Variants in ZNF514 observed in about 807,000 individuals in gnomAD.
The protein encoded by ZNF514 is zinc finger protein 514.
A neutral mutation model predicts 9.7 loss-of-function variants in ZNF514; 12 were observed. The ratio of observed to expected loss-of-function variants is 1.24; its 90% CI spans 0.79 to 2.01. The LOEUF is 2.01. Among genes scored for constraint, ZNF514 ranks in the 30% most tolerant of loss-of-function variants. ZNF514 has a pLI of 0.00. For missense variants in ZNF514, 467 were observed against 465.5 expected, an observed-to-expected ratio of 1.00 and a Z score of -0.03; for synonymous variants, 158 against 163.7, an observed-to-expected ratio of 0.97 and a Z score of 0.27.
Position 95,150,178 on chromosome 2 carries a change from G to A in ZNF514, c.307C>T (p.His103Tyr). 2 of 1,605,198 alleles carry A rather than the reference G, an allele frequency of 1.2e-6. No homozygotes were observed. The highest frequency in any genetic ancestry group is 1.7e-6 in the Non-Finnish European group (2 of 1,179,002). ...ELFQVVSVEK[H>Y]IQDVLQFSKL... is the part of the protein sequence containing the mutation. ...GAGAACTGCAGCACATCTTGAATGTGTTTTTCCACTGATACTACCTGGAAT... is the reference window on the plus strand; with the variant it reads ...GAGAACTGCAGCACATCTTGAATGTATTTTTCCACTGATACTACCTGGAAT... Residue 103 changes from histidine to tyrosine, a missense_variant, in exon 5 of 5, where the codon CAC becomes TAC. By Grantham distance (83) the His-to-Tyr change is moderately conservative. Transcript: ENST00000295208.
At chr2:95,151,027 TTATTA>T (rs1160487135) in intron 4 of ZNF514, among the ~76,000 whole-genome samples, 1 of 152,210 alleles carries the variant, frequency 6.6e-6, no homozygotes, top group African/African-American at 2.4e-5. Context: ...ACACCCTATA[TTATTA>T]TATATTATGC....
At position 95,147,299 on chromosome 2, in the gene ZNF514, T is replaced by G. The variant is rs2104460778; in HGVS notation, c.*1983A>C. ...AAGTAACAAACAAAACAGGAATACT[T>G]GTTTAGCAATGGTTGGTATATGTGT... On this transcript the variant is annotated 3_prime_UTR_variant, in exon 5 of 5. Coordinates refer to ENST00000295208, the MANE Select transcript of ZNF514 (RefSeq NM_032788.3). The G allele has an allele frequency of 6.6e-6, 1 of 152,336 alleles. No individual in the cohort carries two copies. The highest frequency in any genetic ancestry group is 1.9e-4 in the East Asian group (1 of 5,184). 9.4% of individuals were successfully genotyped at this position (152,336 alleles called of 1,614,324 possible).
chr2:95,125,472 T>A, the ZNF514 span, among the ~76,000 whole-genome samples: 40 of 151,840 alleles, frequency 2.6e-4, 1 homozygote, highest in South Asian at 2.7e-3. Context: ...TCTCTTGACC[T>A]TGTGATTCAC....
the ZNF514 span, among the ~76,000 whole-genome samples, chr2:95,136,623 G>T: frequency 7.0e-6 from 1 of 142,010 alleles, no homozygotes; most frequent in Non-Finnish European, 1.5e-5. Flanking sequence ...CTCCTAACAG[G>T]AAAAAAAAAA....
At chr2:95,130,788 A>G in the ZNF514 span, among the ~76,000 whole-genome samples, 4 of 152,140 alleles carry the variant, frequency 2.6e-5, no homozygotes, top group Non-Finnish European at 1.5e-5. Context: ...ATGCTGTACA[A>G]TTTTTGTAGT....
chr2:95,135,713 C>T, the ZNF514 span, among the ~76,000 whole-genome samples: 5 of 152,046 alleles, frequency 3.3e-5, no homozygotes, highest in African/African-American at 7.2e-5. Flanking sequence ...TGACCCATCA[C>T]GTCTGGTCTG....
At position 95,159,270 on chromosome 2, in the gene ZNF514, TCTGG is replaced by T; in HGVS notation, c.-130_-127del. ...GCTCGGCTCCTCCTCAGGACCAGGC[TCTGG>T]AACCCAGCTCCCACGTGGATCCACA... On this transcript the variant is annotated 5_prime_UTR_variant, in exon 1 of 5. Transcript: ENST00000295208. 5.7e-6 allele frequency: 1 copy of T among 174,230 alleles called. No individual in the cohort carries two copies. Among genetic ancestry groups the T allele is most frequent in the Non-Finnish European group, 1.2e-5 (1 of 81,210 alleles). 10.8% of individuals were successfully genotyped at this position (174,230 alleles called of 1,614,324 possible).
chr2:95,150,734 T>G (rs1424870194), intron 4 of ZNF514, among the ~76,000 whole-genome samples: 2 of 152,252 alleles, frequency 1.3e-5, no homozygotes, highest in Non-Finnish European at 2.9e-5. Flanking sequence ...CTTCACTTTC[T>G]TCTTTTCCAA....
chr2:95,123,637 A>G, the ZNF514 span, among the ~76,000 whole-genome samples: 1 of 152,194 alleles, frequency 6.6e-6, no homozygotes, highest in Non-Finnish European at 1.5e-5. Flanking sequence ...GGGTTGAGAG[A>G]GAGAAGATCA....
At chr2:95,125,528 A>G in the ZNF514 span, among the ~76,000 whole-genome samples, 2 of 152,178 alleles carry the variant, frequency 1.3e-5, no homozygotes, top group Non-Finnish European at 2.9e-5. Context: ...GTGAGCCACC[A>G]CACCTGGACC....
intron 4 of ZNF514, among the ~76,000 whole-genome samples, chr2:95,151,209 A>T (rs1673528489): frequency 1.3e-5 from 2 of 152,336 alleles, no homozygotes; most frequent in South Asian, 4.1e-4. Context: ...TGGGGAGATT[A>T]TCCTGGATTA....
At chr2:95,158,743 C>T in intron 1 of ZNF514, 9 of 1,103,976 alleles carry the variant, frequency 8.2e-6, no homozygotes, top group Non-Finnish European at 1.0e-5. Flanking sequence ...CCATCCCCTC[C>T]ACCTCCGCCA....
Position 95,147,291 on chromosome 2 carries a change from G to A in ZNF514, c.*1991C>T, listed in dbSNP as rs1205140431. 6.6e-6 allele frequency: 1 copy of A among 151,006 alleles called. No individual in the cohort carries two copies. The highest frequency in any genetic ancestry group is 1.5e-5 in the Non-Finnish European group (1 of 68,006). The allele number at this position is 151,006 out of a possible 1,614,324, so 9.4% of individuals were successfully genotyped here. A position where few individuals can be genotyped will look rare whatever the true frequency, so the allele number is the denominator to read the frequency against. ...ATGGCTTGAAGTAACAAACAAAACAGGAATACTTGTTTAGCAATGGTTGGT... is the reference window on the plus strand; with the variant it reads ...ATGGCTTGAAGTAACAAACAAAACAAGAATACTTGTTTAGCAATGGTTGGT... On this transcript the variant is annotated 3_prime_UTR_variant, in exon 5 of 5. Coordinates refer to ENST00000295208, the MANE Select transcript of ZNF514 (RefSeq NM_032788.3).
the ZNF514 span, among the ~76,000 whole-genome samples, chr2:95,130,274 G>A: frequency 6.6e-6 from 1 of 152,178 alleles, no homozygotes; most frequent in East Asian, 1.9e-4. Context: ...CAAGGTAATA[G>A]AATATCACAA....
At chr2:95,134,487 C>T in the ZNF514 span, among the ~76,000 whole-genome samples, 1 of 152,150 alleles carries the variant, frequency 6.6e-6, no homozygotes, top group Non-Finnish European at 1.5e-5. Context: ...TTTCACCTAC[C>T]ACACAATTCA....
chr2:95,150,913 A>G (rs1673518364), intron 4 of ZNF514, among the ~76,000 whole-genome samples: 2 of 152,200 alleles, frequency 1.3e-5, no homozygotes, highest in Admixed American at 6.5e-5. Flanking sequence ...CCTGTTTCCC[A>G]TATATCCACT....
the ZNF514 span, among the ~76,000 whole-genome samples, chr2:95,137,355 G>A: frequency 6.6e-6 from 1 of 152,144 alleles, no homozygotes; most frequent in African/African-American, 2.4e-5. Context: ...TCCCAAAATG[G>A]CCATGTGGTT....
the ZNF514 span, among the ~76,000 whole-genome samples, chr2:95,131,522 A>C: frequency 1.3e-5 from 2 of 152,170 alleles, no homozygotes; most frequent in Non-Finnish European, 2.9e-5. Context: ...CTCTCAGTAC[A>C]TGTGAGTCAT....
the ZNF514 span, among the ~76,000 whole-genome samples, chr2:95,128,632 GAGA>G: frequency 2.4e-4 from 36 of 150,274 alleles, no homozygotes; most frequent in Non-Finnish European, 4.4e-4. Context: ...GAGGAGGAGG[GAGA>G]AGAAGAAAGA....
Sources: gnomAD v4.1 joint callset for allele counts (sites outside exome capture counted in the v4.1 genomes callset) on GRCh38, gnomAD v4.1.1 for gene constraint, MANE v1.5 for transcripts, NCBI Gene and HGNC (gene_info 2026-07-23, HGNC 2026-07-21) for gene names.